The following IBTK variants were observed in gnomAD, a reference collection of about 807,000 sequenced individuals.
IBTK encodes BTK-binding protein.
IBTK carries 83 observed loss-of-function variants against 154.9 expected under a neutral mutation model. That is an observed-to-expected ratio of 0.54 (90% CI 0.45 to 0.64). The LOEUF (loss-of-function observed/expected upper bound fraction) is 0.64, where lower values mean the gene tolerates loss of function less well. Among genes scored for constraint, IBTK ranks in the 30% least tolerant of loss-of-function variants. IBTK has a pLI of 0.00. For synonymous variants in IBTK, 515 were observed against 536.1 expected, an observed-to-expected ratio of 0.96 and a Z score of 0.54; for missense variants, 1,332 against 1,584.6, an observed-to-expected ratio of 0.84 and a Z score of 2.71.
In IBTK at chr6:82,214,332, C is replaced by T; in HGVS notation, c.2099G>A (p.Ser700Asn). 2.5e-6 allele frequency: 4 copies of T among 1,614,032 alleles called. No homozygotes were observed. Among genetic ancestry groups the T allele is most frequent in the Non-Finnish European group, 3.4e-6 (4 of 1,179,984 alleles). The change falls in exon 12 of 29, where the codon AGC (serine) becomes AAC (asparagine). Residue 700 changes from serine (S) to asparagine (N), a missense_variant. This residue lies in a region of IBTK where 1,134 missense variants were observed against 1,274.7 expected (regional missense o/e 0.89). Transcript: ENST00000306270. ...QAQTVSERQK[S>N]KPKSCKKGKN... ...TCCTTTTTTACAAGATTTAGGTTTG[C>T]TCTTCTGCCTCTCACTAACTGTTTG...
At chr6:82,234,500 G>A (rs1205761945) in intron 2 of IBTK, among the ~76,000 whole-genome samples, 2 of 151,558 alleles carry the variant, frequency 1.3e-5, no homozygotes, top group Admixed American at 1.3e-4. Flanking sequence ...CACCACGCCC[G>A]GCTAATTTTC....
chr6:82,223,715 T>C, intron 7 of IBTK, 95 bp from the exon 8 acceptor site: 2 of 1,063,502 alleles, frequency 1.9e-6, no homozygotes, highest in Non-Finnish European at 1.4e-6. Flanking sequence ...TCCCAGCACT[T>C]GGGGAGGCCA....
chr6:82,216,339 G>A, intron 10 of IBTK, 89 bp from the exon 11 acceptor site: 1 of 796,996 alleles, frequency 1.3e-6, no homozygotes, highest in Non-Finnish European at 2.0e-6. Flanking sequence ...AAAGGAGTTA[G>A]AAAAATATGG....
chr6:82,234,087 C>A (rs1770623780), intron 3 of IBTK, 72 bp downstream of exon 3: 1 of 578,850 alleles, frequency 1.7e-6, no homozygotes, highest in African/African-American at 2.0e-5. Flanking sequence ...GATCCGCCTG[C>A]CTCAGCCTAC....
intron 25 of IBTK, among the ~76,000 whole-genome samples, chr6:82,183,369 C>T (rs1344727089): frequency 1.3e-5 from 2 of 151,632 alleles, no homozygotes; most frequent in Non-Finnish European, 2.9e-5. Context: ...GAGACAGGGC[C>T]GCTGCATTCC....
At chr6:82,200,752 A>ATTTTTT in intron 19 of IBTK, 44 bp from the exon 20 acceptor site, 2 of 501,294 alleles carry the variant, frequency 4.0e-6, no homozygotes, top group Non-Finnish European at 5.9e-6. Context: ...AAATCTGTGA[A>ATTTTTT]GTTTTTTTTT....
chr6:82,192,612 T>G lies in IBTK; in HGVS notation c.3339-733A>C, dbSNP rs1162500958. 7.2e-5 allele frequency among the ~76,000 whole-genome samples: 11 copies of G among 151,794 alleles called. No homozygotes were observed. The South Asian group carries it at 2.3e-3, about 32-fold the overall frequency. On this transcript the variant is annotated intron_variant, in intron 23 of 28. Coordinates refer to ENST00000306270, the MANE Select transcript of IBTK (RefSeq NM_015525.4). Reference sequence around the variant, plus strand: ...AAATATAAACATTAGTCAGGGGTGGTGGCAGGCGCCTGTAATCCCAGCTAC... The same window carrying G: ...AAATATAAACATTAGTCAGGGGTGGGGGCAGGCGCCTGTAATCCCAGCTAC...
chr6:82,211,571 A>T lies in IBTK; in HGVS notation c.2293T>A (p.Ser765Thr), dbSNP rs371390083. 11 of 1,611,068 alleles carry T rather than the reference A, an allele frequency of 6.8e-6. No individual in the cohort carries two copies. The highest frequency in any genetic ancestry group is 1.7e-5 in the Admixed American group (1 of 59,992). The change falls in exon 14 of 29, where the codon TCA becomes ACA. Residue 765 changes from serine to threonine, a missense_variant and splice_region_variant. Physicochemically the swap from Ser to Thr is moderately conservative, Grantham distance 58 (BLOSUM62 1). Transcript: ENST00000306270. ...TTCATGGTCACGTCACACAGAAATG[A>T]ACTGCAAGAAAATGTTTAATTGAAG... ...NKLKLSQKKC[S>T]FLCDVTMKSV...
At chr6:82,200,050 G>A in intron 21 of IBTK, 91 bp downstream of exon 21, 11 of 814,284 alleles carry the variant, frequency 1.4e-5, no homozygotes, top group Admixed American at 2.3e-5. Flanking sequence ...CCTCCATAAG[G>A]ACTGTTTATT....
chr6:82,173,247 C>T lies in IBTK; in HGVS notation c.3797+120G>A, dbSNP rs1014763411. 9 of 624,218 alleles carry T rather than the reference C, an allele frequency of 1.4e-5. No homozygotes were observed. The Admixed American group carries it at 1.6e-4, about 11-fold the overall frequency. The allele number at this position is 624,218 out of a possible 1,614,324, so 38.7% of individuals were successfully genotyped here. ...GAACTCCTGACCTCAGATGATCCAC[C>T]CGCCTCAGTCTCCCAGAGTGCTGGG... On this transcript the variant is annotated intron_variant, in intron 27 of 28. Transcript: ENST00000306270.
intron 16 of IBTK, chr6:82,210,504 G>A (rs1426160580): frequency 6.5e-6 from 1 of 153,020 alleles, no homozygotes; most frequent in Non-Finnish European, 1.5e-5. Context: ...TTTACTATTA[G>A]CAATCATTCC....
Position 82,196,283 on chromosome 6 carries a change from C to T in IBTK, c.3174+15G>A, listed in dbSNP as rs377219714. The T allele has an allele frequency of 1.1e-4, 166 of 1,576,992 alleles. No homozygotes were observed. The highest frequency in any genetic ancestry group is 1.3e-4 in the Non-Finnish European group (157 of 1,163,170). ...AAAATCTGAAGGTAAGGAGGTAGTGCTTCAAAAAACAAACCTCAATCTTAT... is the reference window on the plus strand; with the variant it reads ...AAAATCTGAAGGTAAGGAGGTAGTGTTTCAAAAAACAAACCTCAATCTTAT... On this transcript the variant is annotated intron_variant, in intron 22 of 28. Coordinates refer to ENST00000306270, the MANE Select transcript of IBTK (RefSeq NM_015525.4).
rs750206871 is a variant in IBTK at position 82,202,692 on chromosome 6, C to T, written c.2612-47G>A. 6 of 943,104 alleles carry T rather than the reference C, an allele frequency of 6.4e-6. No homozygotes were observed. The South Asian group carries it at 9.2e-5, about 14-fold the overall frequency. 58.4% of individuals were successfully genotyped at this position (943,104 alleles called of 1,614,324 possible). ...GCAAAATTAGATAAAAGGCACATTA[C>T]CACAGCAAAATAAAATACATTTATG... is the stretch of plus-strand genomic sequence containing the variant. On this transcript the variant is annotated intron_variant, in intron 17 of 28. Coordinates refer to ENST00000306270, the MANE Select transcript of IBTK (RefSeq NM_015525.4).
intron 4 of IBTK, among the ~76,000 whole-genome samples, chr6:82,229,234 C>G (rs1044788284): frequency 6.6e-6 from 1 of 152,130 alleles, no homozygotes; most frequent in Non-Finnish European, 1.5e-5. Context: ...AATACCTTCA[C>G]AAAACACGCC....
intron 3 of IBTK, among the ~76,000 whole-genome samples, chr6:82,233,754 C>T (rs1235921646): frequency 7.3e-6 from 1 of 136,468 alleles, no homozygotes; most frequent in African/African-American, 2.8e-5. Context: ...AGCTCTATCA[C>T]CCAGGCTGGA....
At chr6:82,200,752 AGTTTTTT>A in intron 19 of IBTK, 44 bp from the exon 20 acceptor site, 29 of 501,246 alleles carry the variant, frequency 5.8e-5, no homozygotes, top group East Asian at 1.4e-4. Flanking sequence ...AAATCTGTGA[AGTTTTTT>A]TTTTTTTTTT....
intron 17 of IBTK, among the ~76,000 whole-genome samples, 187 bp from the exon 18 acceptor site, chr6:82,202,832 T>G (rs1379026815): frequency 6.6e-6 from 1 of 152,168 alleles, no homozygotes. Context: ...CAAAGTAATT[T>G]CAAAAGATTG....
intron 27 of IBTK, 39 bp from the exon 28 acceptor site, chr6:82,172,551 A>G: frequency 1.3e-6 from 2 of 1,572,736 alleles, no homozygotes; most frequent in Non-Finnish European, 1.7e-6. Context: ...TCATCTTCCT[A>G]AATTTTTGCA....
intron 28 of IBTK, among the ~76,000 whole-genome samples, chr6:82,171,921 A>G (rs541220770): frequency 6.6e-6 from 1 of 152,312 alleles, no homozygotes; most frequent in East Asian, 1.9e-4. Flanking sequence ...CAGTGCTACT[A>G]TGCGTCTTTT....
Sources: allele counts gnomAD v4.1 joint callset (sites outside exome capture counted in the v4.1 genomes callset), GRCh38; gene constraint gnomAD v4.1.1; regional missense constraint gnomAD v4.1.1; transcripts MANE v1.5; gene names NCBI Gene and HGNC (gene_info 2026-07-23, HGNC 2026-07-21).